The following SEL1L2 variants were observed in gnomAD, a reference collection of about 807,000 sequenced individuals.
SEL1L2 encodes the protein SEL1L2 adaptor subunit of SYVN1 ubiquitin ligase.
SEL1L2 carries 89 observed loss-of-function variants against 98.8 expected under a neutral mutation model. That is an observed-to-expected ratio of 0.90 (90% CI 0.76 to 1.07). The LOEUF (loss-of-function observed/expected upper bound fraction) is 1.07, where lower values mean the gene tolerates loss of function less well. Ranked by LOEUF, SEL1L2 falls within the 50% of genes least tolerant of loss-of-function variation. The probability of loss-of-function intolerance (pLI) is 0.00; values close to 1 mark genes in which losing one functional copy is unlikely to be tolerated. For missense variants in SEL1L2, 788 were observed against 812.0 expected, an observed-to-expected ratio of 0.97 and a Z score of 0.36; for synonymous variants, 262 against 278.5, an observed-to-expected ratio of 0.94 and a Z score of 0.59.
At chr20:13,897,779 C>T (rs138316140) in intron 5 of SEL1L2, among the ~76,000 whole-genome samples, 3,056 of 152,132 alleles carry the variant, frequency 0.02, 48 homozygotes, top group Non-Finnish European at 0.03. Flanking sequence ...GCAGGAGAAT[C>T]GCTTGAACCC....
intron 1 of SEL1L2, among the ~76,000 whole-genome samples, chr20:13,972,285 G>T (rs73267322): frequency 6.6e-6 from 1 of 152,096 alleles, no homozygotes; most frequent in Non-Finnish European, 1.5e-5. Flanking sequence ...ATTTATTCAC[G>T]TTTCTTTGTT....
chr20:13,923,878 G>C (rs1405243602), intron 3 of SEL1L2, among the ~76,000 whole-genome samples: 1 of 151,968 alleles, frequency 6.6e-6, no homozygotes, highest in African/African-American at 2.4e-5. Flanking sequence ...GTAATTTTTT[G>C]TTTGCTGAAT....
intron 2 of SEL1L2, among the ~76,000 whole-genome samples, chr20:13,939,040 G>GGTTTTTTGTTTTTTTTTTT: frequency 1.8e-5 from 2 of 114,070 alleles, no homozygotes; most frequent in Non-Finnish European, 3.5e-5. Flanking sequence ...TGCTTGTTTT[G>GGTTTTTTGTTTTTTTTTTT]TTTTTTTTTT....
intron 5 of SEL1L2, among the ~76,000 whole-genome samples, chr20:13,896,119 A>G (rs1396485092): frequency 6.6e-6 from 1 of 152,102 alleles, no homozygotes; most frequent in East Asian, 1.9e-4. Context: ...AGGTTGCAGC[A>G]AGCTGAGATC....
At chr20:13,913,011 CA>C in intron 5 of SEL1L2, among the ~76,000 whole-genome samples, 1 of 152,198 alleles carries the variant, frequency 6.6e-6, no homozygotes. Context: ...GTAGCTTATT[CA>C]AAAAACAAAT....
At chr20:13,972,235 G>T (rs1267839098) in intron 1 of SEL1L2, among the ~76,000 whole-genome samples, 1 of 152,074 alleles carries the variant, frequency 6.6e-6, no homozygotes, top group East Asian at 1.9e-4. Flanking sequence ...CAAAAACTTG[G>T]CATATTTGCA....
chr20:13,930,100 C>T (rs1255832028), intron 3 of SEL1L2, among the ~76,000 whole-genome samples: 1 of 152,206 alleles, frequency 6.6e-6, no homozygotes, highest in African/African-American at 2.4e-5. Context: ...CTTCTGATTG[C>T]CATTCTAGAT....
At chr20:13,900,399 G>A (rs963592980) in intron 5 of SEL1L2, among the ~76,000 whole-genome samples, 1 of 151,950 alleles carries the variant, frequency 6.6e-6, no homozygotes, top group Non-Finnish European at 1.5e-5. Context: ...TGTAACTCAG[G>A]GGCCCTGGGT....
intron 5 of SEL1L2, among the ~76,000 whole-genome samples, chr20:13,902,769 T>A (rs949520276): frequency 1.3e-5 from 2 of 152,228 alleles, no homozygotes; most frequent in African/African-American, 4.8e-5. Flanking sequence ...AGAGTTAATA[T>A]CTAAATTTAA....
intron 5 of SEL1L2, among the ~76,000 whole-genome samples, chr20:13,907,002 T>C (rs1047710990): frequency 1.3e-5 from 2 of 152,134 alleles, no homozygotes; most frequent in South Asian, 4.1e-4. Flanking sequence ...TTGAAATAAA[T>C]AAAGAAAATG....
At chr20:13,883,346 C>A (rs181760676) in intron 10 of SEL1L2, among the ~76,000 whole-genome samples, 85 of 152,294 alleles carry the variant, frequency 5.6e-4, no homozygotes, top group Non-Finnish European at 7.4e-5. Flanking sequence ...GTCATTTCTT[C>A]TTCTTGCTTT....
At chr20:13,896,576 C>A (rs908524812) in intron 5 of SEL1L2, among the ~76,000 whole-genome samples, 29 of 147,508 alleles carry the variant, frequency 2.0e-4, no homozygotes, top group African/African-American at 6.8e-4. Flanking sequence ...AAACAACATG[C>A]AAAAATCAGT....
At chr20:13,905,596 A>G (rs745670525) in intron 5 of SEL1L2, among the ~76,000 whole-genome samples, 60 of 152,084 alleles carry the variant, frequency 3.9e-4, no homozygotes, top group Middle Eastern at 3.4e-3. Context: ...TTACAGGTGT[A>G]AGCCACCATG....
intron 1 of SEL1L2, among the ~76,000 whole-genome samples, chr20:13,975,322 A>G (rs1355039823): frequency 6.6e-6 from 1 of 152,230 alleles, no homozygotes; most frequent in African/African-American, 2.4e-5. Flanking sequence ...ACATTTAAAA[A>G]TATTTGGATG....
At chr20:13,936,465 A>G (rs2148346057) in intron 2 of SEL1L2, among the ~76,000 whole-genome samples, 1 of 152,318 alleles carries the variant, frequency 6.6e-6, no homozygotes, top group Non-Finnish European at 1.5e-5. Context: ...CCTGTAAATA[A>G]CGTCACTATT....
rs1182380677 is a variant in SEL1L2 at position 13,889,739 on chromosome 20, C to T, written c.550-1227G>A. 2.6e-5 allele frequency among the ~76,000 whole-genome samples: 4 copies of T among 152,156 alleles called. No individual in the cohort carries two copies. The East Asian group carries it at 7.8e-4, about 29-fold the overall frequency. ...CCGGGAGGCGGAGCTTGCAGTGCAC[C>T]AAGATCGCGCCACTGCACTCCAGCC... On this transcript the variant is annotated intron_variant, in intron 5 of 19. Transcript: ENST00000284951.
chr20:13,860,124 C>A (rs1989864067), intron 17 of SEL1L2, among the ~76,000 whole-genome samples: 1 of 152,202 alleles, frequency 6.6e-6, no homozygotes, highest in African/African-American at 2.4e-5. Context: ...AAGCTCTGCT[C>A]TCCTGCGTCA....
chr20:13,964,088 C>T (rs1569052370), intron 1 of SEL1L2, among the ~76,000 whole-genome samples: 1 of 152,038 alleles, frequency 6.6e-6, no homozygotes, highest in Non-Finnish European at 1.5e-5. Flanking sequence ...GTTGGCCAGG[C>T]TGGTCTTGAA....
At chr20:13,863,278 A>G (rs1990463903) in intron 17 of SEL1L2, among the ~76,000 whole-genome samples, 1 of 152,226 alleles carries the variant, frequency 6.6e-6, no homozygotes, top group South Asian at 2.1e-4. Context: ...TTGTACAGGC[A>G]GTAAGCAGGA....
Sources: gnomAD v4.1 joint callset for allele counts (sites outside exome capture counted in the v4.1 genomes callset) on GRCh38, gnomAD v4.1.1 for gene constraint, MANE v1.5 for transcripts, NCBI Gene and HGNC (gene_info 2026-07-23, HGNC 2026-07-21) for gene names.